Variants in TSHZ2 observed in about 807,000 individuals in gnomAD.
TSHZ2 encodes the protein teashirt zinc finger homeobox 2.
A neutral mutation model predicts 74.4 loss-of-function variants in TSHZ2; 21 were observed. That is an observed-to-expected ratio of 0.28 (90% CI 0.20 to 0.41). The LOEUF is 0.41. Ranked by LOEUF, TSHZ2 falls within the 10% of genes least tolerant of loss-of-function variation. The probability of loss-of-function intolerance (pLI) is 1.00; values close to 1 mark genes in which losing one functional copy is unlikely to be tolerated. For synonymous variants in TSHZ2, 540 were observed against 515.3 expected (o/e 1.05, Z -0.65); for missense variants, 1,244 against 1,293.5 (o/e 0.96, Z 0.59).
intron 2 of TSHZ2, among the ~76,000 whole-genome samples, chr20:53,422,640 C>G (rs1053804511): frequency 1.3e-5 from 2 of 152,160 alleles, no homozygotes; most frequent in Non-Finnish European, 2.9e-5. Flanking sequence ...AACACACCCG[C>G]CGGCCAGGCC....
chr20:53,163,389 G>A (rs139390900), intron 1 of TSHZ2, among the ~76,000 whole-genome samples: 1,904 of 77,372 alleles, frequency 0.025, 58 homozygotes, highest in African/African-American at 0.084. Flanking sequence ...TTTTTTTTGA[G>A]GTTTCAGGGC....
intron 1 of TSHZ2, among the ~76,000 whole-genome samples, chr20:53,166,923 A>G (rs1988076539): frequency 6.6e-6 from 1 of 152,236 alleles, no homozygotes; most frequent in Non-Finnish European, 1.5e-5. Context: ...TATTATATTA[A>G]AAAAACCTGA....
chr20:53,357,360 C>T (rs1455379856), intron 2 of TSHZ2, among the ~76,000 whole-genome samples: 1 of 152,034 alleles, frequency 6.6e-6, no homozygotes, highest in African/African-American at 2.4e-5. Flanking sequence ...GGCAAGTTTT[C>T]AATTGCATTT....
intron 2 of TSHZ2, among the ~76,000 whole-genome samples, chr20:53,472,560 T>G (rs986541246): frequency 6.6e-6 from 1 of 152,150 alleles, no homozygotes; most frequent in African/African-American, 2.4e-5. Flanking sequence ...GATGTTCAGA[T>G]CTGGAACTCA....
chr20:53,153,107 C>G (rs187133402), intron 1 of TSHZ2, among the ~76,000 whole-genome samples: 1 of 152,200 alleles, frequency 6.6e-6, no homozygotes, highest in East Asian at 1.9e-4. Context: ...ATAACACAAT[C>G]AGGACATCCT....
At chr20:53,311,504 TAAAC>T (rs756690266) in intron 2 of TSHZ2, among the ~76,000 whole-genome samples, 1 of 152,208 alleles carries the variant, frequency 6.6e-6, no homozygotes, top group Non-Finnish European at 1.5e-5. Context: ...TGGTGAGAGT[TAAAC>T]AAGATAAAAC....
chr20:53,181,312 T>C (rs1006054929), intron 1 of TSHZ2, among the ~76,000 whole-genome samples: 2 of 152,218 alleles, frequency 1.3e-5, no homozygotes, highest in Non-Finnish European at 2.9e-5. Flanking sequence ...TTGTTCTTTT[T>C]TCACAAAGGT....
chr20:53,069,649 G>A (rs1261717842), intron 1 of TSHZ2, among the ~76,000 whole-genome samples: 1 of 143,890 alleles, frequency 6.9e-6, no homozygotes, highest in African/African-American at 2.6e-5. Context: ...CTAGCAAAAG[G>A]TCAATGCTTT....
At chr20:53,142,243 C>T (rs973911875) in intron 1 of TSHZ2, among the ~76,000 whole-genome samples, 12 of 152,214 alleles carry the variant, frequency 7.9e-5, no homozygotes, top group Non-Finnish European at 4.4e-5. Context: ...TTTTGTTTCA[C>T]TCTCTTCCTA....
At chr20:52,988,489 C>A (rs1363297754) in intron 1 of TSHZ2, among the ~76,000 whole-genome samples, 1 of 151,756 alleles carries the variant, frequency 6.6e-6, no homozygotes, top group Non-Finnish European at 1.5e-5. Context: ...AGCACAGACT[C>A]ACATAAATAA....
chr20:52,988,245 C>G (rs1981845522), intron 1 of TSHZ2, among the ~76,000 whole-genome samples: 1 of 152,120 alleles, frequency 6.6e-6, no homozygotes, highest in South Asian at 2.1e-4. Flanking sequence ...ATTTACCAAG[C>G]ACTGGCTACA....
At chr20:53,120,835 G>T (rs530780334) in intron 1 of TSHZ2, among the ~76,000 whole-genome samples, 1 of 152,184 alleles carries the variant, frequency 6.6e-6, no homozygotes, top group Non-Finnish European at 1.5e-5. Flanking sequence ...ATAATTTGCC[G>T]TATAAGTGAA....
In TSHZ2 at chr20:53,255,317, A is replaced by G; in HGVS notation, c.1859A>G (p.His620Arg). ...AVKECGKESP[H>R]EEASSFSHSE... ...AAGGAGTGTGGGAAAGAAAGTCCCC[A>G]CGAAGAGGCCTCATCTTTCAGCCAC... The change falls in exon 2 of 3, where the codon CAC becomes CGC. Residue 620 changes from histidine (H) to arginine (R), a missense_variant. Transcript: ENST00000371497. The surrounding 1 kb of genome is among the most constrained non-coding windows in gnomAD (Gnocchi z 4.1). 6.2e-7 allele frequency: 1 copy of G among 1,614,102 alleles called. No homozygotes were observed. The highest frequency in any genetic ancestry group is 1.3e-5 in the African/African-American group (1 of 75,032).
chr20:52,983,493 A>C (rs1412232778), intron 1 of TSHZ2, among the ~76,000 whole-genome samples: 3 of 152,240 alleles, frequency 2.0e-5, no homozygotes, highest in Non-Finnish European at 2.9e-5. Flanking sequence ...TGAAACTGTA[A>C]AGAAATGAAT....
At chr20:53,313,535 C>T (rs1978874928) in intron 2 of TSHZ2, among the ~76,000 whole-genome samples, 1 of 152,140 alleles carries the variant, frequency 6.6e-6, no homozygotes, top group Non-Finnish European at 1.5e-5. Context: ...AGTGTGCCTG[C>T]CAGCTCTCCA....
chr20:53,337,536 G>A (rs1013598015), intron 2 of TSHZ2, among the ~76,000 whole-genome samples: 4 of 152,188 alleles, frequency 2.6e-5, no homozygotes, highest in Non-Finnish European at 5.9e-5. Flanking sequence ...AGCCACTCTA[G>A]GAGGGATATA....
chr20:53,285,212 C>T (rs1481945328), intron 2 of TSHZ2, among the ~76,000 whole-genome samples: 1 of 152,164 alleles, frequency 6.6e-6, no homozygotes, highest in Non-Finnish European at 1.5e-5. Flanking sequence ...TTGCGTTGAT[C>T]ACAGAGCACC....
At chr20:53,459,698 G>A (rs1466581209) in intron 2 of TSHZ2, among the ~76,000 whole-genome samples, 17 of 142,048 alleles carry the variant, frequency 1.2e-4, no homozygotes, top group Non-Finnish European at 2.4e-4. Context: ...GCTGGTACCG[G>A]TTGTTCTTTT....
chr20:53,255,473 C>A lies in TSHZ2; in HGVS notation c.2015C>A (p.Pro672His). The A allele has an allele frequency of 6.2e-7, 1 of 1,608,362 alleles. No individual in the cohort carries two copies. The highest frequency in any genetic ancestry group is 2.2e-5 in the East Asian group (1 of 44,870). Residue 672 changes from proline (P) to histidine (H), a missense_variant, in exon 2 of 3, where the codon CCC becomes CAC. Transcript: ENST00000371497. This position sits in a 1 kb window ranked among gnomAD's most constrained non-coding sequence, Gnocchi z 4.1. ...AAGGAGAAACCCCAGCCCCTGGAGC[C>A]CACATCTGCTCTGAGCAATGGGTGC... ...SEKEKPQPLEPTSALSNGCAL... is the reference protein window; with the variant it reads ...SEKEKPQPLEHTSALSNGCAL...
Sources: gnomAD v4.1 joint callset for allele counts (sites outside exome capture counted in the v4.1 genomes callset) on GRCh38, gnomAD v4.1.1 for gene constraint, Gnocchi (gnomAD v3.1) non-coding constraint, MANE v1.5 for transcripts, NCBI Gene and HGNC (gene_info 2026-07-23, HGNC 2026-07-21) for gene names.